The following ACAD11 variants were observed in gnomAD, a reference collection of about 807,000 sequenced individuals.
The protein encoded by ACAD11 is acyl-Coenzyme A dehydrogenase family, member 11.
A neutral mutation model predicts 102.2 loss-of-function variants in ACAD11; 83 were observed. That is an observed-to-expected ratio of 0.81 (90% CI 0.68 to 0.97). The LOEUF is 0.97. ACAD11 is among the 50% of genes least tolerant of loss of function. The probability of loss-of-function intolerance (pLI) is 0.00; values close to 1 mark genes in which losing one functional copy is unlikely to be tolerated. For missense variants in ACAD11, 901 were observed against 951.7 expected, an observed-to-expected ratio of 0.95 and a Z score of 0.70; for synonymous variants, 324 against 319.8, an observed-to-expected ratio of 1.01 and a Z score of -0.14.
intron 13 of ACAD11, among the ~76,000 whole-genome samples, chr3:132,585,541 G>C (rs1937775215): frequency 6.6e-6 from 1 of 152,140 alleles, no homozygotes; most frequent in Admixed American, 6.5e-5. Flanking sequence ...ACTACCATCA[G>C]AGTGAACAGG....
intron 5 of ACAD11, among the ~76,000 whole-genome samples, chr3:132,634,606 C>T (rs541639247): frequency 3.9e-5 from 6 of 152,010 alleles, no homozygotes; most frequent in Non-Finnish European, 5.9e-5. Context: ...CACATGCACA[C>T]GTATGTTTAT....
At chr3:132,587,222 A>G (rs1937880175) in intron 13 of ACAD11, among the ~76,000 whole-genome samples, 1 of 152,216 alleles carries the variant, frequency 6.6e-6, no homozygotes, top group Non-Finnish European at 1.5e-5. Context: ...TAGAATTTTT[A>G]GTTTATTCTT....
At chr3:132,579,212 A>C (rs1937564657) in intron 14 of ACAD11, 2 of 719,630 alleles carry the variant, frequency 2.8e-6, no homozygotes, top group Admixed American at 6.7e-5. Flanking sequence ...ACAGGTCTGA[A>C]AAAATTTGTC....
chr3:132,574,054 C>A (rs1291253315), intron 17 of ACAD11, among the ~76,000 whole-genome samples: 1 of 152,300 alleles, frequency 6.6e-6, no homozygotes, highest in East Asian at 1.9e-4. Flanking sequence ...GTTAAAAAGC[C>A]AGGCTTGCTC....
intron 17 of ACAD11, among the ~76,000 whole-genome samples, chr3:132,570,082 A>G (rs1937332725): frequency 6.6e-6 from 1 of 152,212 alleles, no homozygotes; most frequent in African/African-American, 2.4e-5. Context: ...CTTAGAAAAC[A>G]TTCTGTGAGT....
chr3:132,576,683 A>C (rs1380755612), intron 16 of ACAD11, among the ~76,000 whole-genome samples: 1 of 152,248 alleles, frequency 6.6e-6, no homozygotes, highest in East Asian at 1.9e-4. Flanking sequence ...CGCCAAACAG[A>C]AAACTTTCCC....
chr3:132,611,256 C>T (rs1372886764), intron 11 of ACAD11, among the ~76,000 whole-genome samples: 2 of 152,228 alleles, frequency 1.3e-5, no homozygotes, highest in Admixed American at 6.5e-5. Flanking sequence ...GACAAATCCA[C>T]AGCCAACATC....
At chr3:132,560,973 C>A in intron 18 of ACAD11, 128 bp downstream of exon 18, 2 of 705,492 alleles carry the variant, frequency 2.8e-6, no homozygotes, top group Non-Finnish European at 2.5e-6. Context: ...ATTTATAACC[C>A]AAAATCACAT....
At chr3:132,636,782 G>A (rs1048890696) in intron 5 of ACAD11, among the ~76,000 whole-genome samples, 2 of 152,010 alleles carry the variant, frequency 1.3e-5, no homozygotes, top group African/African-American at 2.4e-5. Flanking sequence ...ATTGTGTAGC[G>A]GACGAAAATG....
intron 19 of ACAD11, 49 bp downstream of exon 19, chr3:132,559,784 A>G: frequency 6.1e-6 from 9 of 1,464,578 alleles, no homozygotes; most frequent in Non-Finnish European, 8.5e-6. Context: ...TAGATTTTTT[A>G]CCTCCACGCC....
At position 132,639,473 on chromosome 3, in the gene ACAD11, T is replaced by G. The variant is rs962184131; in HGVS notation, c.702+19A>C. On this transcript the variant is annotated intron_variant, in intron 5 of 19. Transcript: ENST00000264990. The stretch of plus-strand genomic sequence containing the variant: ...CAAAACAGACCTACTCAATTAATTG[T>G]AAACATAGCTAACTGTACCTCTTTA... The G allele has an allele frequency of 1.9e-6, 3 of 1,606,926 alleles. No individual in the cohort carries two copies. Among genetic ancestry groups the G allele is most frequent in the Non-Finnish European group, 2.5e-6 (3 of 1,176,834 alleles).
chr3:132,579,139 A>G, intron 14 of ACAD11: 5 of 1,160,810 alleles, frequency 4.3e-6, no homozygotes, highest in Non-Finnish European at 5.8e-6. Flanking sequence ...CTGGGAACTT[A>G]TATATATAAT....
At chr3:132,563,573 T>C (rs1937125691) in intron 17 of ACAD11, among the ~76,000 whole-genome samples, 1 of 152,194 alleles carries the variant, frequency 6.6e-6, no homozygotes, top group South Asian at 2.1e-4. Context: ...AGTTCCCCCA[T>C]TGTTCATTGC....
At chr3:132,582,180 TAAGA>T (rs1291003838) in intron 13 of ACAD11, among the ~76,000 whole-genome samples, 1 of 151,718 alleles carries the variant, frequency 6.6e-6, no homozygotes, top group East Asian at 1.9e-4. Flanking sequence ...ATAAATACGT[TAAGA>T]AAGAGCAGAG....
chr3:132,597,027 C>T (rs1052503249), intron 13 of ACAD11, among the ~76,000 whole-genome samples: 1 of 152,132 alleles, frequency 6.6e-6, no homozygotes, highest in African/African-American at 2.4e-5. Flanking sequence ...AGTAGCTCAG[C>T]TGCAGGCACT....
Position 132,642,143 on chromosome 3 carries a change from T to C in ACAD11, c.376-10A>G. 1 of 1,604,520 alleles carries C rather than the reference T, an allele frequency of 6.2e-7. No homozygotes were observed. The highest frequency in any genetic ancestry group is 8.5e-7 in the Non-Finnish European group (1 of 1,174,158). ...CACGGAAGATTCGACCCTATGGAAG[T>C]GATTACAACAGATTATTTAAATGTG... On this transcript the variant is annotated splice_polypyrimidine_tract_variant and intron_variant, in intron 3 of 19. Transcript: ENST00000264990.
chr3:132,600,631 G>A, intron 13 of ACAD11: 2 of 1,613,690 alleles, frequency 1.2e-6, no homozygotes, highest in South Asian at 2.2e-5. Context: ...AAACAGATGT[G>A]TACATCCTGA....
chr3:132,632,920 A>AT (rs1940110290), intron 5 of ACAD11, among the ~76,000 whole-genome samples: 1 of 152,118 alleles, frequency 6.6e-6, no homozygotes, highest in African/African-American at 2.4e-5. Flanking sequence ...TTGCACATTG[A>AT]TTTTGTATCC....
intron 1 of ACAD11, among the ~76,000 whole-genome samples, chr3:132,653,562 T>G (rs1339960390): frequency 6.6e-6 from 1 of 152,208 alleles, no homozygotes; most frequent in Admixed American, 6.5e-5. Flanking sequence ...TGATGTTATT[T>G]TTTAAAAAGC....
Sources: allele counts gnomAD v4.1 joint callset (sites outside exome capture counted in the v4.1 genomes callset), GRCh38; gene constraint gnomAD v4.1.1; transcripts MANE v1.5; gene names NCBI Gene and HGNC (gene_info 2026-07-23, HGNC 2026-07-21).